Variants in RB1CC1 observed in about 807,000 individuals in gnomAD.
RB1CC1 encodes RB1 inducible coiled-coil 1.
In RB1CC1, 46 loss-of-function variants were observed where a neutral mutation model predicts 177.5. The observed-to-expected ratio is 0.26, with a 90% CI of 0.20 to 0.33. The LOEUF (loss-of-function observed/expected upper bound fraction) is 0.33, where lower values mean the gene tolerates loss of function less well. Ranked by LOEUF, RB1CC1 falls within the 10% of genes least tolerant of loss-of-function variation. The probability of loss-of-function intolerance (pLI) is 1.00; values close to 1 mark genes in which losing one functional copy is unlikely to be tolerated. For missense variants in RB1CC1, 1,703 were observed against 1,816.3 expected (o/e 0.94, Z 1.13); for synonymous variants, 666 against 613.6 (o/e 1.09, Z -1.26).
intron 8 of RB1CC1, among the ~76,000 whole-genome samples, chr8:52,665,397 T>C (rs1474317008): frequency 6.6e-6 from 1 of 152,196 alleles, no homozygotes; most frequent in African/African-American, 2.4e-5. Context: ...TAGAACATTA[T>C]TAATTAATAT....
intron 5 of RB1CC1, among the ~76,000 whole-genome samples, chr8:52,680,982 G>A (rs1190054913): frequency 2.4e-5 from 3 of 126,254 alleles, no homozygotes; most frequent in African/African-American, 1.0e-4. Flanking sequence ...GTGTGTGTGT[G>A]TGTGTGTGTG....
intron 23 of RB1CC1, 37 bp downstream of exon 23, chr8:52,624,680 A>G (rs905590309): frequency 6.7e-7 from 1 of 1,484,124 alleles, no homozygotes; most frequent in African/African-American, 1.4e-5. Flanking sequence ...TCTTCTTTAC[A>G]GTTCCCAGGC....
At chr8:52,677,009 T>G (rs1400945573) in intron 5 of RB1CC1, among the ~76,000 whole-genome samples, 1 of 152,202 alleles carries the variant, frequency 6.6e-6, no homozygotes, top group Admixed American at 6.5e-5. Flanking sequence ...AATGAGATTC[T>G]AGAAAATATT....
At chr8:52,673,408 G>A (rs1019081228) in intron 7 of RB1CC1, among the ~76,000 whole-genome samples, 5 of 152,106 alleles carry the variant, frequency 3.3e-5, no homozygotes, top group Non-Finnish European at 7.4e-5. Flanking sequence ...TCTACGTTTC[G>A]AATTTTAAAG....
intron 1 of RB1CC1, among the ~76,000 whole-genome samples, chr8:52,699,830 AATATATATATATATAT>A (rs1211106554): frequency 7.5e-5 from 2 of 26,702 alleles, no homozygotes; most frequent in East Asian, 2.0e-3. Context: ...AAAAAAAAAA[AATATATATATATATAT>A]ATATATATAT....
At chr8:52,676,139 TA>T (rs1377153221) in intron 6 of RB1CC1, among the ~76,000 whole-genome samples, 2 of 152,126 alleles carry the variant, frequency 1.3e-5, no homozygotes, top group Non-Finnish European at 2.9e-5. Flanking sequence ...TTATTACAAG[TA>T]AAACAACCCA....
intron 18 of RB1CC1, among the ~76,000 whole-genome samples, chr8:52,638,235 T>C (rs1849303379): frequency 6.6e-6 from 1 of 152,194 alleles, no homozygotes; most frequent in South Asian, 2.1e-4. Context: ...TCTATTGAGA[T>C]AATCATGTGT....
chr8:52,652,367 G>A (rs1404303950), intron 15 of RB1CC1, among the ~76,000 whole-genome samples: 3 of 151,046 alleles, frequency 2.0e-5, no homozygotes, highest in African/African-American at 7.3e-5. Flanking sequence ...TCGGGAGGCT[G>A]AGGCAGGAGA....
Position 52,714,062 on chromosome 8 carries a change from C to T in RB1CC1, c.-167+13G>A. The T allele has an allele frequency of 8.6e-6, 3 of 350,282 alleles. No homozygotes were observed. The highest frequency in any genetic ancestry group is 1.7e-5 in the Non-Finnish European group (3 of 175,486). 21.7% of individuals were successfully genotyped at this position (350,282 alleles called of 1,614,324 possible). A position where few individuals can be genotyped will look rare whatever the true frequency, so the allele number is the denominator to read the frequency against. ...AGATGGGGGAAGGGGACGCGGGCGG[C>T]GGCGACACTTACCCGGCAACGCCTC... On this transcript the variant is annotated intron_variant, in intron 1 of 23. Coordinates refer to ENST00000025008, the MANE Select transcript of RB1CC1 (RefSeq NM_014781.5).
In RB1CC1 at chr8:52,651,877, A is replaced by G. The variant is rs1001938140; in HGVS notation, c.3821+4131T>C. On this transcript the variant is annotated intron_variant, in intron 15 of 23. Transcript: ENST00000025008. ...TAAAATCATGCATGAGTAAAAAAGT[A>G]CAAGAGATGTACCAATAAATGTTAA... Among the ~76,000 whole-genome samples the G allele has an allele frequency of 2.6e-5, 4 of 152,362 alleles. No homozygotes were observed. The South Asian group carries it at 8.3e-4, about 32-fold the overall frequency.
In RB1CC1 at chr8:52,623,653, C is replaced by T. The variant is rs778142394; in HGVS notation, c.*129G>A. On this transcript the variant is annotated 3_prime_UTR_variant, in exon 24 of 24. Transcript: ENST00000025008. ...AGCCAGTTAAAAAGTAAACGATGTACACCAGTGAAGTATATTGTCACGCTG... is the reference window on the plus strand; with the variant it reads ...AGCCAGTTAAAAAGTAAACGATGTATACCAGTGAAGTATATTGTCACGCTG... The T allele has an allele frequency of 4.0e-5, 28 of 698,946 alleles. No homozygotes were observed. The highest frequency in any genetic ancestry group is 1.9e-4 in the South Asian group (13 of 67,310). 43.3% of individuals were successfully genotyped at this position (698,946 alleles called of 1,614,324 possible).
intron 1 of RB1CC1, among the ~76,000 whole-genome samples, chr8:52,690,641 AAC>A (rs994600166): frequency 6.6e-6 from 1 of 152,176 alleles, no homozygotes; most frequent in African/African-American, 2.4e-5. Flanking sequence ...TGTGAGACTA[AAC>A]ACAAAATCTT....
Position 52,657,340 on chromosome 8 carries a change from T to C in RB1CC1, c.2489A>G (p.Gln830Arg), listed in dbSNP as rs1442903697. The C allele has an allele frequency of 6.2e-7, 1 of 1,613,784 alleles. No individual in the cohort carries two copies. Among genetic ancestry groups the C allele is most frequent in the Non-Finnish European group, 8.5e-7 (1 of 1,179,856 alleles). Reference sequence around the variant, plus strand: ...TTTTAATGAATTTGAGAAGTCACACTGTTCTTTTTGTACAAATGTTCTAAA... The same window carrying C: ...TTTTAATGAATTTGAGAAGTCACACCGTTCTTTTTGTACAAATGTTCTAAA... ...CHFRTFVQKE[Q>R]CDFSNSLKCT... Residue 830 changes from glutamine to arginine, a missense_variant, in exon 15 of 24, where the codon CAG becomes CGG. Gln to Arg is a conservative substitution (Grantham distance 43). Coordinates refer to ENST00000025008, the MANE Select transcript of RB1CC1 (RefSeq NM_014781.5).
At chr8:52,676,082 A>G (rs1390546832) in intron 6 of RB1CC1, among the ~76,000 whole-genome samples, 3 of 152,166 alleles carry the variant, frequency 2.0e-5, no homozygotes, top group Admixed American at 6.5e-5. Flanking sequence ...ACAAGACATA[A>G]GCAAAGATTC....
intron 1 of RB1CC1, among the ~76,000 whole-genome samples, chr8:52,689,706 C>T (rs1854636374): frequency 6.6e-6 from 1 of 152,136 alleles, no homozygotes; most frequent in South Asian, 2.1e-4. Flanking sequence ...CTTGAACTCC[C>T]TAAACAAATC....
At chr8:52,674,987 T>C (rs555837643) in intron 6 of RB1CC1, among the ~76,000 whole-genome samples, 5 of 152,144 alleles carry the variant, frequency 3.3e-5, no homozygotes, top group Non-Finnish European at 5.9e-5. Context: ...AGATAACTCT[T>C]GTACTCATAA....
intron 1 of RB1CC1, among the ~76,000 whole-genome samples, chr8:52,698,125 A>C (rs1855614608): frequency 6.6e-6 from 1 of 152,110 alleles, no homozygotes; most frequent in Non-Finnish European, 1.5e-5. Flanking sequence ...CCCAGGCTAG[A>C]GTATAGTGGC....
At chr8:52,659,062 A>G in intron 12 of RB1CC1, 86 bp from the exon 13 acceptor site, 1 of 650,424 alleles carries the variant, frequency 1.5e-6, no homozygotes, top group Non-Finnish European at 2.5e-6. Flanking sequence ...CTATAATTAA[A>G]TTTACTATAC....
intron 3 of RB1CC1, among the ~76,000 whole-genome samples, chr8:52,684,858 TCTGTTTA>T: frequency 6.6e-6 from 1 of 152,126 alleles, no homozygotes; most frequent in Non-Finnish European, 1.5e-5. Flanking sequence ...TGTTTACTGA[TCTGTTTA>T]CTGTTTACAT....
Sources: gnomAD v4.1 joint callset for allele counts (sites outside exome capture counted in the v4.1 genomes callset) on GRCh38, gnomAD v4.1.1 for gene constraint, MANE v1.5 for transcripts, NCBI Gene and HGNC (gene_info 2026-07-23, HGNC 2026-07-21) for gene names.